Variants in ALMS1 observed in about 807,000 individuals in gnomAD.
ALMS1 encodes ALMS1 centrosome and basal body associated protein, also known as centrosome-associated protein ALMS1.
A neutral mutation model predicts 352.2 loss-of-function variants in ALMS1; 271 were observed. The ratio of observed to expected loss-of-function variants is 0.77; its 90% CI spans 0.70 to 0.85. The LOEUF (loss-of-function observed/expected upper bound fraction) is 0.85. ALMS1 is among the 40% of genes least tolerant of loss of function. The pLI, the probability that ALMS1 is intolerant of heterozygous loss-of-function variation, is 0.00. For missense variants in ALMS1, 5,445 were observed against 4,870.7 expected, an observed-to-expected ratio of 1.12 and a Z score of -3.51; for synonymous variants, 1,865 against 1,761.2, an observed-to-expected ratio of 1.06 and a Z score of -1.48.
chr2:73,443,390 G>A (rs1671753403), intron 7 of ALMS1, among the ~76,000 whole-genome samples: 1 of 151,894 alleles, frequency 6.6e-6, no homozygotes, highest in African/African-American at 2.4e-5. Context: ...TTTTTTATAT[G>A]CCCATCTTTG....
chr2:73,606,452 G>A (rs1039940674), intron 21 of ALMS1, among the ~76,000 whole-genome samples: 2 of 152,212 alleles, frequency 1.3e-5, no homozygotes, highest in Admixed American at 1.3e-4. Context: ...AGTCCCTGCT[G>A]TAAGGGACTA....
intron 1 of ALMS1, 110 bp from the exon 2 acceptor site, chr2:73,408,512 G>A: frequency 7.9e-7 from 1 of 1,266,658 alleles, no homozygotes; most frequent in Non-Finnish European, 1.1e-6. Flanking sequence ...TGTCGTATAT[G>A]TGAAAGGGCT....
At chr2:73,533,748 A>G (rs894756434) in intron 11 of ALMS1, among the ~76,000 whole-genome samples, 2 of 152,224 alleles carry the variant, frequency 1.3e-5, no homozygotes, top group Non-Finnish European at 2.9e-5. Flanking sequence ...AGATGAGGGC[A>G]TATTTTTAAA....
chr2:73,400,194 C>T lies in ALMS1; in HGVS notation c.325-8428C>T, dbSNP rs555189283. 7.9e-5 allele frequency among the ~76,000 whole-genome samples: 12 copies of T among 152,248 alleles called. No individual in the cohort carries two copies. In the East Asian group the frequency reaches 2.3e-3, roughly 29 times the overall value. On this transcript the variant is annotated intron_variant, in intron 1 of 22. Transcript: ENST00000613296. ...CTCCTGAGCTCAAGTGATCTGCTCACCTTGGCCTCTCAAAGTGCTGGAATT... is the reference window on the plus strand; with the variant it reads ...CTCCTGAGCTCAAGTGATCTGCTCATCTTGGCCTCTCAAAGTGCTGGAATT...
intron 1 of ALMS1, among the ~76,000 whole-genome samples, chr2:73,399,460 A>G (rs982603235): frequency 1.3e-5 from 2 of 152,030 alleles, no homozygotes; most frequent in African/African-American, 4.8e-5. Flanking sequence ...AAGTGGGGGC[A>G]GGCGTCTCAC....
At chr2:73,393,043 A>G (rs1477491110) in intron 1 of ALMS1, among the ~76,000 whole-genome samples, 1 of 152,116 alleles carries the variant, frequency 6.6e-6, no homozygotes, top group African/African-American at 2.4e-5. Context: ...CTTATGGTTC[A>G]TGCATCTATT....
rs575186805 is a variant in ALMS1 at position 73,445,903 on chromosome 2, C to T, written c.1433-2057C>T. On this transcript the variant is annotated intron_variant, in intron 7 of 22. Transcript: ENST00000613296. ...TGTAGTAATATTGTTAACACTCACA[C>T]TTAGTGTATTCTTCTTTCCCAGGGC... is the stretch of plus-strand genomic sequence containing the variant. Among the ~76,000 whole-genome samples, 11 of 152,234 alleles carry T rather than the reference C, an allele frequency of 7.2e-5. No individual in the cohort carries two copies. The South Asian group carries it at 2.1e-3, about 29-fold the overall frequency.
Position 73,576,315 on chromosome 2 carries a change from A to G in ALMS1, c.11547+2891A>G, listed in dbSNP as rs190597256. On this transcript the variant is annotated intron_variant, in intron 16 of 22. Transcript: ENST00000613296. ...TTTGGTTTCCCTTGAGATTTCATGA[A>G]TTTTAGTAAATATTTTATTGTTTTT... Among the ~76,000 whole-genome samples, 12 of 152,280 alleles carry G rather than the reference A, an allele frequency of 7.9e-5. No homozygotes were observed. In the East Asian group the frequency reaches 2.3e-3, roughly 29 times the overall value.
chr2:73,590,025 A>G (rs996319274), intron 16 of ALMS1, among the ~76,000 whole-genome samples: 3 of 151,574 alleles, frequency 2.0e-5, no homozygotes, highest in Non-Finnish European at 4.4e-5. Flanking sequence ...ACAAGTTTCT[A>G]TACCATGGGA....
Position 73,451,478 on chromosome 2 carries a change from G to C in ALMS1, c.4951G>C (p.Ala1651Pro). Residue 1651 changes from alanine to proline, a missense_variant, in exon 8 of 23, where the codon GCT becomes CCT. Physicochemically the swap from Ala to Pro is conservative, Grantham distance 27. Transcript: ENST00000613296. ...GAAAGTTTCAGCTGCTCCTGGACCA[G>C]CTGACCAGAAGACTGAGACATTACC... ...VVKVSAAPGP[A>P]DQKTETLPVH... 1 of 1,614,104 alleles carries C rather than the reference G, an allele frequency of 6.2e-7. No homozygotes were observed.
At chr2:73,523,854 T>A (rs576772360) in intron 11 of ALMS1, among the ~76,000 whole-genome samples, 6 of 152,088 alleles carry the variant, frequency 3.9e-5, no homozygotes, top group African/African-American at 9.7e-5. Context: ...CTAGAGGATT[T>A]TGGGTTTTAT....
chr2:73,402,551 C>T (rs181440146), intron 1 of ALMS1, among the ~76,000 whole-genome samples: 61 of 152,110 alleles, frequency 4.0e-4, no homozygotes, highest in Admixed American at 1.4e-3. Flanking sequence ...CGAGCCACCG[C>T]GCCCAGTCGT....
rs868518914 is a variant in ALMS1, at chr2:73,450,263, G to C, written c.3736G>C (p.Gly1246Arg). The C allele has an allele frequency of 6.2e-7, 1 of 1,613,784 alleles. No individual in the cohort carries two copies. The highest frequency in any genetic ancestry group is 8.5e-7 in the Non-Finnish European group (1 of 1,179,972). The change falls in exon 8 of 23, where the codon GGT becomes CGT. Residue 1246 changes from glycine to arginine, a missense_variant. By Grantham distance (125) the Gly-to-Arg change is moderately radical. Transcript: ENST00000613296. The part of the protein sequence containing the change: ...SASYSHTEKP[G>R]IFYQQVLPDN... The stretch of plus-strand genomic sequence containing the variant: ...TTCTTACTCACACACAGAGAAGCCT[G>C]GTATTTTCTACCAACAGGTCTTGCC...
intron 9 of ALMS1, among the ~76,000 whole-genome samples, chr2:73,468,376 A>G (rs1672400889): frequency 6.6e-6 from 1 of 152,004 alleles, no homozygotes; most frequent in East Asian, 1.9e-4. Flanking sequence ...AATTTTTTTT[A>G]TCATGGTAAA....
intron 12 of ALMS1, among the ~76,000 whole-genome samples, chr2:73,543,142 A>T (rs1455671846): frequency 2.0e-5 from 3 of 152,254 alleles, no homozygotes; most frequent in Non-Finnish European, 4.4e-5. Flanking sequence ...TAACCAAAAC[A>T]GCATGGTACT....
At chr2:73,562,092 AAAG>A (rs1327181001) in intron 15 of ALMS1, among the ~76,000 whole-genome samples, 11 of 152,340 alleles carry the variant, frequency 7.2e-5, no homozygotes, top group African/African-American at 2.4e-4. Flanking sequence ...TGTTGCCTCT[AAAG>A]AAGATAATAG....
At chr2:73,459,085 G>C (rs889772127) in intron 9 of ALMS1, 1 of 151,836 alleles carries the variant, frequency 6.6e-6, no homozygotes, top group Non-Finnish European at 1.5e-5. Flanking sequence ...TTTAGTATAG[G>C]GTGTTTCTTC....
intron 11 of ALMS1, among the ~76,000 whole-genome samples, chr2:73,523,014 T>C: frequency 6.6e-6 from 1 of 152,230 alleles, no homozygotes; most frequent in East Asian, 1.9e-4. Context: ...ATTGTCCCTT[T>C]CTTATTTCTA....
rs769863969 is a variant in ALMS1, at chr2:73,550,281, A to G, written c.9922A>G (p.Ile3308Val). ...ESSHSGSNDA[I>V]APDFPAQVLG... ...TTTTTCTGTAGGATCCAATGATGCC[A>G]TTGCTCCAGACTTCCCAGCTCAGGT... The change falls in exon 13 of 23, where the codon ATT (isoleucine) becomes GTT (valine). Residue 3308 changes from isoleucine to valine, a missense_variant. By Grantham distance (29) the Ile-to-Val change is conservative (BLOSUM62 3). Transcript: ENST00000613296. The G allele has an allele frequency of 8.1e-6, 13 of 1,614,126 alleles. No homozygotes were observed. The highest frequency in any genetic ancestry group is 5.5e-5 in the South Asian group (5 of 91,070).
Sources: gnomAD v4.1 joint callset for allele counts (sites outside exome capture counted in the v4.1 genomes callset) on GRCh38, gnomAD v4.1.1 for gene constraint, MANE v1.5 for transcripts, NCBI Gene and HGNC (gene_info 2026-07-23, HGNC 2026-07-21) for gene names.